Variants in ADGRB3 observed in about 807,000 individuals in gnomAD.
The protein encoded by ADGRB3 is brain-specific angiogenesis inhibitor 3.
A neutral mutation model predicts 193.4 loss-of-function variants in ADGRB3; 37 were observed. The observed-to-expected ratio is 0.19, with a 90% CI of 0.15 to 0.25. ADGRB3 has a LOEUF of 0.25. ADGRB3 is among the 10% of genes least tolerant of loss of function. The probability of loss-of-function intolerance (pLI) is 1.00; values close to 1 mark genes in which losing one functional copy is unlikely to be tolerated. For synonymous variants in ADGRB3, 690 were observed against 644.2 expected, an observed-to-expected ratio of 1.07 and a Z score of -1.08; for missense variants, 1,637 against 1,852.9, an observed-to-expected ratio of 0.88 and a Z score of 2.14.
At chr6:69,115,531 C>T (rs1169697402) in intron 17 of ADGRB3, among the ~76,000 whole-genome samples, 1 of 152,144 alleles carries the variant, frequency 6.6e-6, no homozygotes, top group African/African-American at 2.4e-5. Flanking sequence ...ACCACCACGG[C>T]ACGTGTATAA....
intron 3 of ADGRB3, among the ~76,000 whole-genome samples, chr6:68,801,275 G>A (rs1401602058): frequency 6.6e-6 from 1 of 152,182 alleles, no homozygotes; most frequent in Non-Finnish European, 1.5e-5. Context: ...CTTAGAGGCT[G>A]TAAGTATCTC....
At chr6:69,173,451 G>A (rs11760008) in intron 17 of ADGRB3, among the ~76,000 whole-genome samples, 13,794 of 152,202 alleles carry the variant, frequency 0.091, 683 homozygotes, top group Middle Eastern at 0.25. Flanking sequence ...ATTTACTTCT[G>A]AATTTATATT....
chr6:69,009,768 C>T (rs1405557907), intron 11 of ADGRB3, among the ~76,000 whole-genome samples: 2 of 152,160 alleles, frequency 1.3e-5, no homozygotes, highest in African/African-American at 2.4e-5. Flanking sequence ...ACTCTTAGGG[C>T]TTGTCTTTGT....
intron 10 of ADGRB3, among the ~76,000 whole-genome samples, chr6:68,986,641 A>G (rs1037250415): frequency 2.0e-5 from 3 of 152,168 alleles, no homozygotes; most frequent in African/African-American, 7.2e-5. Context: ...TTAGGAAATT[A>G]CAGATTATGA....
At chr6:68,785,491 A>C (rs570722880) in intron 3 of ADGRB3, among the ~76,000 whole-genome samples, 1 of 151,572 alleles carries the variant, frequency 6.6e-6, no homozygotes, top group South Asian at 2.1e-4. Flanking sequence ...TGAACTCATC[A>C]TTTTTTATGG....
At chr6:69,264,895 T>TC (rs1422433927) in intron 20 of ADGRB3, among the ~76,000 whole-genome samples, 1 of 151,966 alleles carries the variant, frequency 6.6e-6, no homozygotes, top group Non-Finnish European at 1.5e-5. Flanking sequence ...AAAGTCTGAG[T>TC]CATTGTTCAA....
chr6:69,263,461 T>G (rs990657694), intron 20 of ADGRB3, among the ~76,000 whole-genome samples: 3 of 152,018 alleles, frequency 2.0e-5, no homozygotes, highest in African/African-American at 7.2e-5. Context: ...GCAATCACTG[T>G]CTTTGTTAAG....
intron 3 of ADGRB3, among the ~76,000 whole-genome samples, chr6:68,907,516 G>A (rs1766581381): frequency 6.6e-6 from 1 of 151,878 alleles, no homozygotes; most frequent in Non-Finnish European, 1.5e-5. Flanking sequence ...AGAACTATGA[G>A]TTCGAGACAT....
At chr6:68,791,236 A>G (rs1176672291) in intron 3 of ADGRB3, among the ~76,000 whole-genome samples, 1 of 152,178 alleles carries the variant, frequency 6.6e-6, no homozygotes, top group African/African-American at 2.4e-5. Context: ...TAAAGGTAAT[A>G]TTCATTTATG....
chr6:69,063,160 A>T (rs1562143044), intron 16 of ADGRB3, 124 bp downstream of exon 16: 2 of 647,232 alleles, frequency 3.1e-6, no homozygotes, highest in Non-Finnish European at 5.3e-6. Flanking sequence ...TTAACTTGTT[A>T]TGAGTATGTG....
At chr6:69,314,758 T>C (rs1768276471) in intron 20 of ADGRB3, among the ~76,000 whole-genome samples, 1 of 151,600 alleles carries the variant, frequency 6.6e-6, no homozygotes, top group Non-Finnish European at 1.5e-5. Flanking sequence ...CAATGTAGCA[T>C]GTCATAGCAG....
At chr6:69,212,948 C>A (rs772636001) in intron 17 of ADGRB3, among the ~76,000 whole-genome samples, 1 of 152,016 alleles carries the variant, frequency 6.6e-6, no homozygotes, top group Non-Finnish European at 1.5e-5. Flanking sequence ...AAAATATTAT[C>A]TTTTGCAAGG....
In ADGRB3 at chr6:68,776,697, G is replaced by A. The variant is rs570237064; in HGVS notation, c.757+137265G>A. On this transcript the variant is annotated intron_variant, in intron 3 of 31. Coordinates refer to ENST00000370598, the MANE Select transcript of ADGRB3 (RefSeq NM_001704.3). ...AGCTAGCATGGTCCAATTAAAAGAA[G>A]CAATTATGAATAATGGAAAGTAAAC... Among the ~76,000 whole-genome samples, 3 of 152,192 alleles carry A rather than the reference G, an allele frequency of 2.0e-5. 1 individual carries two copies. In the South Asian group the frequency reaches 6.2e-4, roughly 32 times the overall value.
At chr6:68,928,595 A>T (rs1228548934) in intron 3 of ADGRB3, among the ~76,000 whole-genome samples, 1 of 152,170 alleles carries the variant, frequency 6.6e-6, no homozygotes, top group Admixed American at 6.5e-5. Flanking sequence ...CATTTTCCTT[A>T]GAAGAGAGAT....
chr6:69,123,457 T>C (rs139140710), intron 17 of ADGRB3, among the ~76,000 whole-genome samples: 212 of 152,298 alleles, frequency 1.4e-3, no homozygotes, highest in African/African-American at 4.9e-3. Context: ...CCTGGCACCA[T>C]TGTGGATTCT....
At chr6:69,256,798 G>T (rs1766783942) in intron 20 of ADGRB3, among the ~76,000 whole-genome samples, 1 of 152,214 alleles carries the variant, frequency 6.6e-6, no homozygotes, top group Non-Finnish European at 1.5e-5. Context: ...CAAAGGGAAT[G>T]CTTCCAGTTT....
At chr6:68,782,452 T>G (rs1051780444) in intron 3 of ADGRB3, among the ~76,000 whole-genome samples, 3 of 152,124 alleles carry the variant, frequency 2.0e-5, no homozygotes, top group African/African-American at 7.2e-5. Context: ...TGTGTCTTTA[T>G]AGCTGCATGA....
intron 8 of ADGRB3, 105 bp from the exon 9 acceptor site, chr6:68,974,658 G>T: frequency 1.2e-6 from 1 of 815,600 alleles, no homozygotes; most frequent in Non-Finnish European, 2.0e-6. Context: ...GAAAAAAAAA[G>T]AAAACTAAAG....
intron 3 of ADGRB3, among the ~76,000 whole-genome samples, chr6:68,831,021 GA>G (rs1767942030): frequency 6.6e-6 from 1 of 151,604 alleles, no homozygotes; most frequent in Non-Finnish European, 1.5e-5. Flanking sequence ...ATTTAATGCT[GA>G]ATTTTAATAA....
Sources: gnomAD v4.1 joint callset for allele counts (sites outside exome capture counted in the v4.1 genomes callset) on GRCh38, gnomAD v4.1.1 for gene constraint, MANE v1.5 for transcripts, NCBI Gene and HGNC (gene_info 2026-07-23, HGNC 2026-07-21) for gene names.